The following LYZL4 variants were observed in gnomAD, a reference collection of about 807,000 sequenced individuals.
The protein encoded by LYZL4 is lysozyme-like protein 4.
Under a neutral mutation model 17.6 loss-of-function variants are expected in LYZL4, and 13 were observed. The observed-to-expected ratio is 0.74, with a 90% CI of 0.48 to 1.18. The LOEUF (loss-of-function observed/expected upper bound fraction) is 1.18, where lower values mean the gene tolerates loss of function less well. Among genes scored for constraint, LYZL4 ranks in the 50% most tolerant of loss-of-function variants. The pLI is 0.00. For synonymous variants in LYZL4, 64 were observed against 67.7 expected (o/e 0.95, Z 0.27); for missense variants, 174 against 188.2 (o/e 0.92, Z 0.44).
At chr3:42,394,025 C>G (rs1698520866), downstream of LYZL4, among the ~76,000 whole-genome samples, 2 of 152,074 alleles carry the variant, frequency 1.3e-5, no homozygotes, top group Non-Finnish European at 2.9e-5. Flanking sequence ...ACTCCTGGCC[C>G]CAGGTGATCC....
chr3:42,408,077 C>T (rs1432618076), intron 1 of LYZL4, among the ~76,000 whole-genome samples: 1 of 152,206 alleles, frequency 6.6e-6, no homozygotes, highest in African/African-American at 2.4e-5. Context: ...AAACCCACCA[C>T]CTCCTCACAG....
chr3:42,399,639 C>T (rs974180862), intron 4 of LYZL4, among the ~76,000 whole-genome samples: 6 of 152,096 alleles, frequency 3.9e-5, no homozygotes, highest in African/African-American at 1.2e-4. Flanking sequence ...GTACATTTTT[C>T]TCTGATTTCT....
At chr3:42,400,797 G>A (rs1257077196) in intron 4 of LYZL4, among the ~76,000 whole-genome samples, 1 of 152,116 alleles carries the variant, frequency 6.6e-6, no homozygotes, top group African/African-American at 2.4e-5. Context: ...GAAAAGGTAG[G>A]GGAAGAAGGA....
intron 1 of LYZL4, among the ~76,000 whole-genome samples, chr3:42,409,979 C>T (rs1459126536): frequency 6.6e-6 from 1 of 152,186 alleles, no homozygotes; most frequent in East Asian, 1.9e-4. Flanking sequence ...GTCCTTTGCA[C>T]CAGCCATTCC....
intron 4 of LYZL4, among the ~76,000 whole-genome samples, chr3:42,401,633 G>A (rs1698655377): frequency 1.3e-5 from 2 of 152,104 alleles, no homozygotes; most frequent in Non-Finnish European, 2.9e-5. Flanking sequence ...AGTCATGGGA[G>A]TTAAGAGAGA....
the LYZL4 span, among the ~76,000 whole-genome samples, chr3:42,364,406 G>C: frequency 2.8e-5 from 4 of 141,350 alleles, no homozygotes. Flanking sequence ...GCAGTGGCAC[G>C]ATCTTGGCTC....
the LYZL4 span, among the ~76,000 whole-genome samples, chr3:42,386,262 C>T: frequency 6.6e-6 from 1 of 152,104 alleles, no homozygotes; most frequent in Non-Finnish European, 1.5e-5. Flanking sequence ...GCCACCACGC[C>T]TGGCTAATTT....
chr3:42,367,771 G>A, the LYZL4 span, among the ~76,000 whole-genome samples: 8 of 152,128 alleles, frequency 5.3e-5, no homozygotes, highest in African/African-American at 1.7e-4. Flanking sequence ...TACAGTGCTC[G>A]GGACAGGGTG....
At chr3:42,378,386 G>A in the LYZL4 span, among the ~76,000 whole-genome samples, 343 of 152,266 alleles carry the variant, frequency 2.3e-3, 2 homozygotes, top group African/African-American at 8.0e-3. Flanking sequence ...TATCCATTCT[G>A]TTGCTGTCAC....
intron 1 of LYZL4, among the ~76,000 whole-genome samples, chr3:42,408,742 G>A (rs1698810182): frequency 6.6e-6 from 1 of 152,144 alleles, no homozygotes. Flanking sequence ...ACAGGTGCAT[G>A]TCTTCCTGGC....
the LYZL4 span, among the ~76,000 whole-genome samples, chr3:42,387,242 T>C: frequency 1.3e-5 from 2 of 152,222 alleles, no homozygotes; most frequent in African/African-American, 4.8e-5. Flanking sequence ...TTAACAAGAT[T>C]AAGTACCATG....
At chr3:42,365,948 T>C in the LYZL4 span, among the ~76,000 whole-genome samples, 2 of 152,198 alleles carry the variant, frequency 1.3e-5, no homozygotes, top group African/African-American at 4.8e-5. Flanking sequence ...TTCCACCTTA[T>C]CACTCCAAGC....
the LYZL4 span, among the ~76,000 whole-genome samples, chr3:42,386,405 C>T: frequency 1.7e-5 from 2 of 117,070 alleles, no homozygotes; most frequent in Non-Finnish European, 2.0e-5. Context: ...GCCCCCCCCC[C>T]CCCCCCCGCC....
chr3:42,376,321 C>G, the LYZL4 span, among the ~76,000 whole-genome samples: 2 of 152,202 alleles, frequency 1.3e-5, no homozygotes, highest in East Asian at 3.8e-4. Flanking sequence ...GGTGCCCCCC[C>G]ACCCTCTGCC....
chr3:42,393,432 A>T (rs1698514976), downstream of LYZL4, among the ~76,000 whole-genome samples: 1 of 152,102 alleles, frequency 6.6e-6, no homozygotes, highest in Admixed American at 6.5e-5. Context: ...GGTGCTGGGA[A>T]GCAGGCGAAG....
At chr3:42,389,681 A>G in the LYZL4 span, among the ~76,000 whole-genome samples, 1 of 152,178 alleles carries the variant, frequency 6.6e-6, no homozygotes, top group Non-Finnish European at 1.5e-5. Flanking sequence ...TGTGAACTAG[A>G]TGTTCTCTGA....
chr3:42,388,880 G>A, the LYZL4 span, among the ~76,000 whole-genome samples: 1 of 152,184 alleles, frequency 6.6e-6, no homozygotes, highest in African/African-American at 2.4e-5. Context: ...TTGGGGAGGG[G>A]TGAGTTGTGG....
At chr3:42,393,940 C>T (rs1698520060), downstream of LYZL4, among the ~76,000 whole-genome samples, 1 of 152,140 alleles carries the variant, frequency 6.6e-6, no homozygotes, top group South Asian at 2.1e-4. Flanking sequence ...TATAGGCATC[C>T]ACCACCATAC....
chr3:42,394,069 A>T (rs1559452508), downstream of LYZL4, among the ~76,000 whole-genome samples: 1 of 152,218 alleles, frequency 6.6e-6, no homozygotes, highest in Non-Finnish European at 1.5e-5. Flanking sequence ...CTGGGATTAC[A>T]GGCATGAGCC....
Sources: gnomAD v4.1 joint callset for allele counts (sites outside exome capture counted in the v4.1 genomes callset) on GRCh38, gnomAD v4.1.1 for gene constraint, MANE v1.5 for transcripts, NCBI Gene and HGNC (gene_info 2026-07-23, HGNC 2026-07-21) for gene names.